SYN3: variants seen among roughly 807,000 people sequenced by gnomAD.
SYN3 encodes the protein synapsin-3.
A neutral mutation model predicts 65.8 loss-of-function variants in SYN3; 35 were observed. The ratio of observed to expected loss-of-function variants is 0.53; its 90% CI spans 0.41 to 0.70. SYN3 has a LOEUF of 0.70. SYN3 is among the 30% of genes least tolerant of loss of function. The pLI, the probability that SYN3 is intolerant of heterozygous loss-of-function variation, is 0.00. For missense variants in SYN3, 680 were observed against 749.0 expected, an observed-to-expected ratio of 0.91 and a Z score of 1.08; for synonymous variants, 270 against 292.9, an observed-to-expected ratio of 0.92 and a Z score of 0.80.
At chr22:32,728,786 A>G (rs1056137899) in intron 6 of SYN3, among the ~76,000 whole-genome samples, 1 of 152,230 alleles carries the variant, frequency 6.6e-6, no homozygotes, top group Non-Finnish European at 1.5e-5. Flanking sequence ...ACTAAGAGAT[A>G]GAGGAGTTGA....
intron 7 of SYN3, among the ~76,000 whole-genome samples, chr22:32,569,600 A>ATT (rs1294690621): frequency 2.9e-5 from 4 of 139,908 alleles, no homozygotes; most frequent in Admixed American, 7.3e-5. Flanking sequence ...AAATCTATCT[A>ATT]TTTCTTCTAG....
Position 32,643,555 on chromosome 22 carries a change from G to GA in SYN3, c.712-46820_712-46819insT, listed in dbSNP as rs1569118148. 6.5e-5 allele frequency among the ~76,000 whole-genome samples: 5 copies of GA among 76,612 alleles called. No individual in the cohort carries two copies. The South Asian group carries it at 1.7e-3, about 27-fold the overall frequency. The allele number at this position is 76,612 out of a possible 152,430, so 50.3% of individuals were successfully genotyped here. On this transcript the variant is annotated intron_variant, in intron 6 of 13. Coordinates refer to ENST00000358763, the MANE Select transcript of SYN3 (RefSeq NM_003490.4). ...GAGGGCAAATTAGAAATGGTGGGGGGGCGGGGGGGGCAGAACAGACCCATA... is the reference window on the plus strand; with the variant it reads ...GAGGGCAAATTAGAAATGGTGGGGGGAGCGGGGGGGGCAGAACAGACCCATA...
At chr22:32,941,480 G>C (rs935195460) in intron 3 of SYN3, among the ~76,000 whole-genome samples, 2 of 152,070 alleles carry the variant, frequency 1.3e-5, no homozygotes, top group African/African-American at 4.8e-5. Flanking sequence ...GTTCCAAGAT[G>C]GCTGAATAGG....
At position 32,601,452 on chromosome 22, in the gene SYN3, T is replaced by C. The variant is rs927059410; in HGVS notation, c.712-4716A>G. 6.6e-5 allele frequency among the ~76,000 whole-genome samples: 10 copies of C among 152,194 alleles called. 1 individual carries two copies. Among genetic ancestry groups the C allele is most frequent in the South Asian group, 4.1e-4 (2 of 4,832 alleles). On this transcript the variant is annotated intron_variant, in intron 6 of 13. Coordinates refer to ENST00000358763, the MANE Select transcript of SYN3 (RefSeq NM_003490.4). Reference sequence around the variant, plus strand: ...GCCACCACGCCCGGCTAATATTTTGTATTTTTAGTAGAGACGGGGTTTCAC... The same window carrying C: ...GCCACCACGCCCGGCTAATATTTTGCATTTTTAGTAGAGACGGGGTTTCAC...
At chr22:32,556,512 CTA>C (rs112618129) in intron 7 of SYN3, among the ~76,000 whole-genome samples, 6,850 of 152,232 alleles carry the variant, frequency 0.045, 316 homozygotes, top group East Asian at 0.22. Flanking sequence ...CTGAGAATTG[CTA>C]TGTTTCCTTT....
At chr22:32,793,291 C>A (rs530181242) in intron 6 of SYN3, among the ~76,000 whole-genome samples, 34 of 152,232 alleles carry the variant, frequency 2.2e-4, no homozygotes, top group Middle Eastern at 6.8e-3. Flanking sequence ...TTTGCTTCTG[C>A]CAATAATCTG....
At chr22:32,872,543 C>T (rs931859730) in intron 4 of SYN3, among the ~76,000 whole-genome samples, 8 of 152,196 alleles carry the variant, frequency 5.3e-5, no homozygotes, top group African/African-American at 1.9e-4. Flanking sequence ...GAAAAATAAG[C>T]ACTTCCTATG....
chr22:33,022,354 C>A (rs1175265825), intron 1 of SYN3, among the ~76,000 whole-genome samples: 2 of 152,210 alleles, frequency 1.3e-5, no homozygotes, highest in Non-Finnish European at 2.9e-5. Context: ...CTGTGTCACT[C>A]CAGCTGCAAA....
chr22:33,002,816 T>C (rs1472132813), intron 2 of SYN3, among the ~76,000 whole-genome samples: 2 of 152,216 alleles, frequency 1.3e-5, no homozygotes, highest in Non-Finnish European at 2.9e-5. Context: ...AGTTAATACA[T>C]AGTTACTTGG....
intron 3 of SYN3, among the ~76,000 whole-genome samples, chr22:32,952,460 A>G (rs1038534813): frequency 1.3e-5 from 2 of 152,222 alleles, no homozygotes; most frequent in African/African-American, 4.8e-5. Context: ...GCCACATTGT[A>G]TTTGAAAAAT....
intron 2 of SYN3, among the ~76,000 whole-genome samples, chr22:32,991,373 G>A (rs10427907): frequency 0.065 from 5,732 of 87,970 alleles, 386 homozygotes; most frequent in African/African-American, 0.2. Context: ...AATAATAATA[G>A]TAATAATAGA....
At chr22:32,534,353 C>T (rs1037863850) in intron 9 of SYN3, among the ~76,000 whole-genome samples, 8 of 152,234 alleles carry the variant, frequency 5.3e-5, no homozygotes, top group African/African-American at 1.4e-4. Flanking sequence ...TCCAGAAGTC[C>T]CTCCAGGCTG....
intron 6 of SYN3, among the ~76,000 whole-genome samples, chr22:32,750,929 G>T (rs564648383): frequency 1.3e-5 from 2 of 152,172 alleles, no homozygotes; most frequent in African/African-American, 2.4e-5. Flanking sequence ...GAACTGTGAG[G>T]GTGAAGGCCC....
chr22:32,790,403 AAAC>A (rs1278655259), intron 6 of SYN3, among the ~76,000 whole-genome samples: 15 of 88,870 alleles, frequency 1.7e-4, no homozygotes, highest in African/African-American at 2.8e-4. Context: ...TAATTAAATT[AAAC>A]TTTATTTATT....
intron 2 of SYN3, among the ~76,000 whole-genome samples, chr22:32,988,318 A>G (rs1278155071): frequency 1.0e-5 from 1 of 97,270 alleles, no homozygotes; most frequent in Admixed American, 1.0e-4. Context: ...AATAATAATA[A>G]TAATAATAAT....
intron 4 of SYN3, among the ~76,000 whole-genome samples, chr22:32,912,159 C>T (rs745707791): frequency 9.2e-5 from 14 of 152,200 alleles, no homozygotes; most frequent in Admixed American, 6.5e-5. Context: ...AGTTCCTCCA[C>T]TGACTCAGTA....
At chr22:32,690,060 C>T (rs1406805549) in intron 6 of SYN3, among the ~76,000 whole-genome samples, 1 of 152,164 alleles carries the variant, frequency 6.6e-6, no homozygotes, top group Non-Finnish European at 1.5e-5. Context: ...CCTGTAATCC[C>T]AGCTACTTGG....
At chr22:32,625,327 G>T (rs1046714143) in intron 6 of SYN3, among the ~76,000 whole-genome samples, 1 of 152,170 alleles carries the variant, frequency 6.6e-6, no homozygotes, top group Non-Finnish European at 1.5e-5. Flanking sequence ...TGGAACAATG[G>T]TTAGATCCAG....
rs772827468 is a variant in SYN3, at chr22:32,712,127, A to G, written c.712-115391T>C. 1.6e-4 allele frequency among the ~76,000 whole-genome samples: 25 copies of G among 152,276 alleles called. 1 individual carries two copies. The highest frequency in any genetic ancestry group is 7.2e-4 in the Admixed American group (11 of 15,298). ...GGAAGAATTTCACCTTGACTCCTCAATTGAGGCTGCCTTTGTCCTTGGTCT... is the reference window on the plus strand; with the variant it reads ...GGAAGAATTTCACCTTGACTCCTCAGTTGAGGCTGCCTTTGTCCTTGGTCT... On this transcript the variant is annotated intron_variant, in intron 6 of 13. Transcript: ENST00000358763.
Sources: gnomAD v4.1 joint callset for allele counts (sites outside exome capture counted in the v4.1 genomes callset) on GRCh38, gnomAD v4.1.1 for gene constraint, MANE v1.5 for transcripts, NCBI Gene and HGNC (gene_info 2026-07-23, HGNC 2026-07-21) for gene names.